MBNL2: variants seen among roughly 807,000 people sequenced by gnomAD.
MBNL2 encodes the protein muscleblind like splicing regulator 2, also known as muscleblind-like protein 2.
Under a neutral mutation model 41.9 loss-of-function variants are expected in MBNL2, and 17 were observed. The ratio of observed to expected loss-of-function variants is 0.41; its 90% CI spans 0.28 to 0.61. The LOEUF is 0.61. Ranked by LOEUF, MBNL2 falls within the 20% of genes least tolerant of loss-of-function variation. The pLI, the probability that MBNL2 is intolerant of heterozygous loss-of-function variation, is 0.35. For synonymous variants in MBNL2, 195 were observed against 182.9 expected (o/e 1.07, Z -0.53); for missense variants, 336 against 505.6 (o/e 0.66, Z 3.22).
At chr13:97,214,435 G>T in the MBNL2 span, among the ~76,000 whole-genome samples, 1 of 152,076 alleles carries the variant, frequency 6.6e-6, no homozygotes, top group Non-Finnish European at 1.5e-5. Context: ...CCATATGTTG[G>T]GTACTGGACA....
intron 8 of MBNL2, among the ~76,000 whole-genome samples, chr13:97,369,171 C>T (rs954412270): frequency 3.9e-5 from 6 of 152,190 alleles, no homozygotes; most frequent in Non-Finnish European, 8.8e-5. Context: ...ATTATTTTAG[C>T]ATCCAGTCAT....
At chr13:97,261,103 C>T (rs2048532397) in intron 1 of MBNL2, among the ~76,000 whole-genome samples, 1 of 152,022 alleles carries the variant, frequency 6.6e-6, no homozygotes, top group African/African-American at 2.4e-5. Flanking sequence ...TACCTGTGTG[C>T]ATTCTTACTG....
chr13:97,346,904 C>T lies in MBNL2; in HGVS notation c.641C>T (p.Thr214Ile). The change falls in exon 5 of 9, where the codon ACC becomes ATC. Residue 214 changes from threonine (T) to isoleucine (I), a missense_variant. Coordinates refer to ENST00000679496, the MANE Select transcript of MBNL2 (RefSeq NM_001382683.1). The surrounding 1 kb of genome is among the most constrained non-coding windows in gnomAD (Gnocchi z 4.2). ...ACCATGATCGACACAAGTGACAACA[C>T]CGTAACCGTTTGTATGGATTACATA... is the stretch of plus-strand genomic sequence containing the variant. ...DSTMIDTSDN[T>I]VTVCMDYIKG... 6.2e-7 allele frequency: 1 copy of T among 1,614,110 alleles called. No individual in the cohort carries two copies. The highest frequency in any genetic ancestry group is 8.5e-7 in the Non-Finnish European group (1 of 1,179,932).
At chr13:97,193,770 G>A in the MBNL2 span, among the ~76,000 whole-genome samples, 16,321 of 152,132 alleles carry the variant, frequency 0.11, 1,857 homozygotes, top group African/African-American at 0.29. Flanking sequence ...ACGTCAAGAA[G>A]CGGGTAGCCA....
chr13:97,206,472 G>A, the MBNL2 span, among the ~76,000 whole-genome samples: 2 of 152,112 alleles, frequency 1.3e-5, no homozygotes, highest in Admixed American at 6.6e-5. Context: ...TGTGAATCTT[G>A]TGAAGTGTGA....
intron 5 of MBNL2, among the ~76,000 whole-genome samples, chr13:97,351,997 C>T (rs921386278): frequency 7.0e-6 from 1 of 143,504 alleles, no homozygotes; most frequent in African/African-American, 2.8e-5. Context: ...GCACTCTAGC[C>T]TGGGTCACAG....
intron 5 of MBNL2, among the ~76,000 whole-genome samples, chr13:97,347,612 C>A (rs543385308): frequency 1.3e-5 from 2 of 152,310 alleles, no homozygotes; most frequent in African/African-American, 4.8e-5. Context: ...AGGTTTTATG[C>A]AGAATAGCAA....
At chr13:97,297,021 T>A (rs758135662) in intron 2 of MBNL2, among the ~76,000 whole-genome samples, 14 of 152,214 alleles carry the variant, frequency 9.2e-5, no homozygotes, top group Admixed American at 7.8e-4. Flanking sequence ...TGATCTGAGT[T>A]TCTGTCTGGC....
chr13:97,387,995 T>G (rs1280100565), intron 8 of MBNL2, among the ~76,000 whole-genome samples: 3 of 152,084 alleles, frequency 2.0e-5, no homozygotes, highest in African/African-American at 7.2e-5. Flanking sequence ...GTGCTGTGCC[T>G]TGGAGGTTGA....
intron 1 of MBNL2, among the ~76,000 whole-genome samples, chr13:97,246,275 T>TCACACACACACA (rs34830044): frequency 1.4e-5 from 2 of 145,796 alleles, no homozygotes; most frequent in African/African-American, 2.5e-5. Context: ...TACTGTTATT[T>TCACACACACACA]CACACACACA....
chr13:97,174,148 G>T, the MBNL2 span, among the ~76,000 whole-genome samples: 1 of 152,094 alleles, frequency 6.6e-6, no homozygotes. Context: ...TTTCTCTTAG[G>T]CAGGGTGAAA....
At chr13:97,215,446 C>G in the MBNL2 span, among the ~76,000 whole-genome samples, 1 of 152,140 alleles carries the variant, frequency 6.6e-6, no homozygotes, top group East Asian at 1.9e-4. Context: ...ACACTTTGTT[C>G]CTTTTGATGG....
intron 5 of MBNL2, among the ~76,000 whole-genome samples, chr13:97,350,025 C>T (rs192712546): frequency 6.6e-6 from 1 of 152,198 alleles, no homozygotes; most frequent in East Asian, 1.9e-4. Context: ...CAGTGGCTAT[C>T]CTTGGTCACT....
the MBNL2 span, among the ~76,000 whole-genome samples, chr13:97,184,749 G>T: frequency 6.6e-6 from 1 of 152,156 alleles, no homozygotes; most frequent in East Asian, 1.9e-4. Context: ...ACTTTGGGAG[G>T]CTGAGGCGGG....
At chr13:97,236,577 TATAAG>T (rs1312624544) in intron 1 of MBNL2, among the ~76,000 whole-genome samples, 3 of 152,158 alleles carry the variant, frequency 2.0e-5, no homozygotes, top group Admixed American at 1.3e-4. Flanking sequence ...TACTTTGTAT[TATAAG>T]ATAAAGTTCG....
intron 1 of MBNL2, among the ~76,000 whole-genome samples, chr13:97,230,019 CA>C (rs995019226): frequency 2.8e-4 from 43 of 152,290 alleles, no homozygotes; most frequent in African/African-American, 9.9e-4. Context: ...GAAACTGGGC[CA>C]GGCACAGTGG....
chr13:97,249,439 A>T (rs1211628029), intron 1 of MBNL2, among the ~76,000 whole-genome samples: 1 of 152,196 alleles, frequency 6.6e-6, no homozygotes, highest in Non-Finnish European at 1.5e-5. Context: ...TTGCTTCCTC[A>T]AGGAAAAATA....
At chr13:97,237,751 A>C (rs952473560) in intron 1 of MBNL2, among the ~76,000 whole-genome samples, 3 of 152,246 alleles carry the variant, frequency 2.0e-5, no homozygotes, top group Non-Finnish European at 4.4e-5. Context: ...TATGTATTTC[A>C]AACTTTATTC....
intron 1 of MBNL2, among the ~76,000 whole-genome samples, chr13:97,256,636 T>C (rs1357565199): frequency 1.3e-5 from 2 of 152,198 alleles, no homozygotes; most frequent in African/African-American, 4.8e-5. Flanking sequence ...CCTCCAGGAA[T>C]GATAATGCCT....
Sources: gnomAD v4.1 joint callset for allele counts (sites outside exome capture counted in the v4.1 genomes callset) on GRCh38, gnomAD v4.1.1 for gene constraint, Gnocchi (gnomAD v3.1) non-coding constraint, MANE v1.5 for transcripts, NCBI Gene and HGNC (gene_info 2026-07-23, HGNC 2026-07-21) for gene names.